MPP7: variants seen among roughly 807,000 people sequenced by gnomAD.
The protein encoded by MPP7 is MAGUK p55 subfamily member 7.
A neutral mutation model predicts 76.5 loss-of-function variants in MPP7; 60 were observed. That is an observed-to-expected ratio of 0.78 (90% CI 0.64 to 0.97). The LOEUF (loss-of-function observed/expected upper bound fraction) is 0.97. Among genes scored for constraint, MPP7 ranks in the 50% least tolerant of loss-of-function variants. The probability of loss-of-function intolerance (pLI) is 0.00; values close to 1 mark genes in which losing one functional copy is unlikely to be tolerated. For synonymous variants in MPP7, 237 were observed against 244.5 expected (o/e 0.97, Z 0.29); for missense variants, 641 against 694.0 (o/e 0.92, Z 0.86).
intron 1 of MPP7, among the ~76,000 whole-genome samples, chr10:28,292,665 T>C (rs1162417963): frequency 6.6e-6 from 1 of 152,198 alleles, no homozygotes; most frequent in African/African-American, 2.4e-5. Flanking sequence ...AAGCCATGGT[T>C]GAAAACTACC....
chr10:28,265,893 T>C (rs1488471504), intron 1 of MPP7, among the ~76,000 whole-genome samples: 1 of 152,152 alleles, frequency 6.6e-6, no homozygotes, highest in Non-Finnish European at 1.5e-5. Flanking sequence ...CTTGAATACT[T>C]AGGTAAGCAT....
chr10:28,075,904 C>T (rs1340272106), intron 12 of MPP7, among the ~76,000 whole-genome samples: 1 of 152,138 alleles, frequency 6.6e-6, no homozygotes, highest in East Asian at 1.9e-4. Context: ...CAACGGCTTC[C>T]CTAGCTGGCA....
intron 1 of MPP7, among the ~76,000 whole-genome samples, chr10:28,273,084 T>C (rs1840379367): frequency 6.6e-6 from 1 of 152,058 alleles, no homozygotes; most frequent in Non-Finnish European, 1.5e-5. Flanking sequence ...ACTGGGCTAA[T>C]TTTTTGTATT....
chr10:28,090,394 A>G (rs552405334), intron 11 of MPP7, among the ~76,000 whole-genome samples: 2 of 152,352 alleles, frequency 1.3e-5, no homozygotes, highest in South Asian at 4.1e-4. Flanking sequence ...GGTTTAAACA[A>G]TAAAGAGCTC....
intron 11 of MPP7, among the ~76,000 whole-genome samples, chr10:28,093,160 GT>G (rs1853401834): frequency 6.6e-6 from 1 of 152,108 alleles, no homozygotes; most frequent in Non-Finnish European, 1.5e-5. Flanking sequence ...CTAATTTCAT[GT>G]TTCCACAGCT....
chr10:28,198,744 A>T (rs891588221), intron 3 of MPP7, among the ~76,000 whole-genome samples: 2 of 152,182 alleles, frequency 1.3e-5, no homozygotes, highest in African/African-American at 4.8e-5. Context: ...GGAAAAAAGA[A>T]TCCACAAGAA....
At chr10:28,243,945 C>G (rs1831286577) in intron 1 of MPP7, among the ~76,000 whole-genome samples, 1 of 152,138 alleles carries the variant, frequency 6.6e-6, no homozygotes, top group Admixed American at 6.5e-5. Flanking sequence ...AATCAAAACT[C>G]TTTAGAGCCT....
At chr10:28,105,136 G>C (rs999008418) in intron 11 of MPP7, among the ~76,000 whole-genome samples, 2 of 108,334 alleles carry the variant, frequency 1.8e-5, no homozygotes, top group Non-Finnish European at 3.3e-5. Context: ...CCTGGCGACA[G>C]AGTGAGACTC....
chr10:28,250,480 T>C (rs535360529), intron 1 of MPP7, among the ~76,000 whole-genome samples: 1 of 152,244 alleles, frequency 6.6e-6, no homozygotes, highest in African/African-American at 2.4e-5. Context: ...AATAAGCCCA[T>C]CGGCAAACAC....
intron 6 of MPP7, among the ~76,000 whole-genome samples, chr10:28,128,310 C>T (rs1288423884): frequency 6.6e-6 from 1 of 151,542 alleles, no homozygotes; most frequent in Non-Finnish European, 1.5e-5. Flanking sequence ...GGCACATTTG[C>T]ATTCTTATTG....
chr10:28,131,447 C>T (rs2133680534), intron 6 of MPP7, 113 bp downstream of exon 6: 3 of 947,808 alleles, frequency 3.2e-6, no homozygotes, highest in South Asian at 5.8e-5. Flanking sequence ...TGTTCCATTT[C>T]TTTTAAAGTT....
chr10:28,248,032 T>G (rs1839492683), intron 1 of MPP7, among the ~76,000 whole-genome samples: 1 of 152,190 alleles, frequency 6.6e-6, no homozygotes, highest in African/African-American at 2.4e-5. Context: ...AGGGGAAAAG[T>G]TAACATTTCC....
chr10:28,180,784 T>TC (rs1186784947), intron 3 of MPP7, among the ~76,000 whole-genome samples: 3 of 152,148 alleles, frequency 2.0e-5, no homozygotes, highest in African/African-American at 7.2e-5. Flanking sequence ...ACATCAGCAG[T>TC]CAGCAATGGG....
chr10:28,315,229 GAGGGAGGA>G (rs1331731138), intron 2 of MPP7, among the ~76,000 whole-genome samples: 1 of 143,492 alleles, frequency 7.0e-6, no homozygotes, highest in Non-Finnish European at 1.5e-5. Context: ...GGAAGGGAGG[GAGGGAGGA>G]AGGGAGAAAG....
chr10:28,141,094 T>C (rs1039125755), intron 5 of MPP7, among the ~76,000 whole-genome samples: 3 of 152,096 alleles, frequency 2.0e-5, no homozygotes, highest in Admixed American at 1.3e-4. Context: ...TAATGTTTTA[T>C]CACATAAATA....
chr10:28,314,593 A>G (rs1161952085), intron 2 of MPP7, among the ~76,000 whole-genome samples: 1 of 152,248 alleles, frequency 6.6e-6, no homozygotes, highest in East Asian at 1.9e-4. Context: ...TCTCCAAAGA[A>G]GAAGCATGTT....
intron 2 of MPP7, among the ~76,000 whole-genome samples, chr10:28,329,253 T>C (rs1483229270): frequency 6.6e-6 from 1 of 152,206 alleles, no homozygotes; most frequent in East Asian, 1.9e-4. Context: ...TGTTTCTGGT[T>C]TGTTGTTGTA....
At chr10:28,055,195 G>C (rs1851509605) in intron 16 of MPP7, among the ~76,000 whole-genome samples, 2 of 152,100 alleles carry the variant, frequency 1.3e-5, no homozygotes, top group South Asian at 2.1e-4. Context: ...GAAATAATTT[G>C]AGTCTGCATT....
At chr10:28,283,750 A>T (rs1024400685) in intron 1 of MPP7, among the ~76,000 whole-genome samples, 7 of 152,110 alleles carry the variant, frequency 4.6e-5, no homozygotes, top group Non-Finnish European at 1.0e-4. Flanking sequence ...CCTGACCTCA[A>T]GTGATTCACC....
Sources: allele counts gnomAD v4.1 joint callset (sites outside exome capture counted in the v4.1 genomes callset), GRCh38; gene constraint gnomAD v4.1.1; transcripts MANE v1.5; gene names NCBI Gene and HGNC (gene_info 2026-07-23, HGNC 2026-07-21).